The following MTFMT variants were observed in gnomAD, a reference collection of about 807,000 sequenced individuals.
MTFMT encodes the protein methionyl-tRNA formyltransferase, mitochondrial.
MTFMT carries 47 observed loss-of-function variants against 51.8 expected under a neutral mutation model. The observed-to-expected ratio is 0.91, with a 90% confidence interval of 0.72 to 1.16. The LOEUF is 1.16. MTFMT is among the 50% of genes most tolerant of loss of function. The pLI is 0.00. For missense variants in MTFMT, 512 were observed against 482.3 expected (o/e 1.06, Z -0.58); for synonymous variants, 196 against 176.7 (o/e 1.11, Z -0.87).
chr15:65,020,477 T>C (rs2086365295), intron 4 of MTFMT, among the ~76,000 whole-genome samples: 1 of 152,180 alleles, frequency 6.6e-6, no homozygotes, highest in African/African-American at 2.4e-5. Context: ...AGGTAGTACA[T>C]TGGCTTAAGC....
intron 7 of MTFMT, 44 bp from the exon 8 acceptor site, chr15:65,004,980 A>G (rs2086210048): frequency 7.4e-7 from 1 of 1,346,748 alleles, no homozygotes; most frequent in African/African-American, 1.4e-5. Context: ...GAAAAAAGCA[A>G]TTATGCAACT....
chr15:65,017,797 A>AC (rs2140482764), intron 5 of MTFMT, among the ~76,000 whole-genome samples: 1 of 152,296 alleles, frequency 6.6e-6, no homozygotes, highest in South Asian at 2.1e-4. Flanking sequence ...CTATCTTAAA[A>AC]AAAAAAGAAA....
At chr15:65,019,299 G>C (rs1039341681) in intron 5 of MTFMT, among the ~76,000 whole-genome samples, 1 of 152,114 alleles carries the variant, frequency 6.6e-6, no homozygotes, top group Non-Finnish European at 1.5e-5. Context: ...ACAAAAGTGA[G>C]ACTTCTCTAG....
intron 6 of MTFMT, among the ~76,000 whole-genome samples, chr15:65,010,434 G>A (rs531652791): frequency 2.0e-5 from 3 of 152,182 alleles, no homozygotes; most frequent in Admixed American, 2.0e-4. Context: ...GCCTATTTTG[G>A]ACATTTCATA....
intron 5 of MTFMT, among the ~76,000 whole-genome samples, chr15:65,016,875 G>C (rs1477396241): frequency 2.0e-5 from 3 of 150,924 alleles, no homozygotes; most frequent in Non-Finnish European, 4.4e-5. Context: ...CCACCTCCCA[G>C]GCTCAAGAGA....
At chr15:65,029,149 G>C in intron 1 of MTFMT, 1 of 502,534 alleles carries the variant, frequency 2.0e-6, no homozygotes, top group South Asian at 8.4e-5. Context: ...TCGGCACAGC[G>C]TGGGTGGCAG....
rs1464783197 is a variant in MTFMT at position 65,029,401 on chromosome 15, G to T, written c.209+4C>A. 7 of 1,487,764 alleles carry T rather than the reference G, an allele frequency of 4.7e-6. No homozygotes were observed. The South Asian group carries it at 8.9e-5, about 19-fold the overall frequency. The allele number at this position is 1,487,764 out of a possible 1,614,324, so 92.2% of individuals were successfully genotyped here. On this transcript the variant is annotated splice_donor_region_variant and intron_variant, in intron 1 of 8. Coordinates refer to ENST00000220058, the MANE Select transcript of MTFMT (RefSeq NM_139242.4). The stretch of plus-strand genomic sequence containing the variant: ...CCGGGTCCCCGGATCCCTGGCCCGG[G>T]TACCTGGCGGCGTGCAGCGCCCGCA...
At chr15:65,029,148 C>T in intron 1 of MTFMT, 1 of 492,164 alleles carries the variant, frequency 2.0e-6, no homozygotes, top group Non-Finnish European at 2.6e-6. Context: ...CTCGGCACAG[C>T]GTGGGTGGCA....
At chr15:65,003,453 G>A (rs1326572311) in intron 8 of MTFMT, among the ~76,000 whole-genome samples, 197 bp from the exon 9 acceptor site, 5 of 152,082 alleles carry the variant, frequency 3.3e-5, no homozygotes, top group South Asian at 2.1e-4. Context: ...AAGTCATTGC[G>A]GTTTTTGACA....
In MTFMT at chr15:65,025,176, C is replaced by T. The variant is rs2086410643; in HGVS notation, c.420-1382G>A. Reference sequence around the variant, plus strand: ...TTGGGAGGCCAAGGCAGGAAGATCACATGCAGCCAGGAGTTTGGGACCAGG... The same window carrying T: ...TTGGGAGGCCAAGGCAGGAAGATCATATGCAGCCAGGAGTTTGGGACCAGG... On this transcript the variant is annotated intron_variant, in intron 2 of 8. Coordinates refer to ENST00000220058, the MANE Select transcript of MTFMT (RefSeq NM_139242.4). Among the ~76,000 whole-genome samples, 8 of 141,698 alleles carry T rather than the reference C, an allele frequency of 5.6e-5. No individual in the cohort carries two copies. In the Admixed American group the frequency reaches 6.1e-4, roughly 11 times the overall value. 93.0% of individuals were successfully genotyped at this position (141,698 alleles called of 152,430 possible). A position where few individuals can be genotyped will look rare whatever the true frequency, so the allele number is the denominator to read the frequency against.
At chr15:65,023,943 G>A in intron 2 of MTFMT, 149 bp from the exon 3 acceptor site, 9 of 605,970 alleles carry the variant, frequency 1.5e-5, no homozygotes, top group East Asian at 6.4e-5. Context: ...TCACCTGAAA[G>A]GAAAAAAGTT....
chr15:65,007,935 A>C (rs1047675953), intron 6 of MTFMT, among the ~76,000 whole-genome samples: 10 of 151,984 alleles, frequency 6.6e-5, no homozygotes, highest in African/African-American at 2.2e-4. Context: ...TTTTATTTTC[A>C]TAATTATATT....
chr15:65,027,770 A>G (rs2086438923), intron 1 of MTFMT, among the ~76,000 whole-genome samples: 1 of 152,236 alleles, frequency 6.6e-6, no homozygotes, highest in Admixed American at 6.5e-5. Flanking sequence ...AAGGAACTGA[A>G]AACAGTGGCT....
Position 65,002,320 on chromosome 15 carries a change from G to A in MTFMT, c.*742C>T. Reference sequence around the variant, plus strand: ...TGGGAGGCTGAGGCAGGAGAATGGTGTGAACCCGGGAGGTGGAGCTTGCAG... The same window carrying A: ...TGGGAGGCTGAGGCAGGAGAATGGTATGAACCCGGGAGGTGGAGCTTGCAG... On this transcript the variant is annotated 3_prime_UTR_variant, in exon 9 of 9. Coordinates refer to ENST00000220058, the MANE Select transcript of MTFMT (RefSeq NM_139242.4). 1 of 151,712 alleles carries A rather than the reference G, an allele frequency of 6.6e-6. No homozygotes were observed. Among genetic ancestry groups the A allele is most frequent in the Non-Finnish European group, 1.5e-5 (1 of 67,892 alleles). 9.4% of individuals were successfully genotyped at this position (151,712 alleles called of 1,614,324 possible).
rs150429223 is a variant in MTFMT, at chr15:65,027,559, T to G, written c.210-519A>C. 5.4e-3 allele frequency among the ~76,000 whole-genome samples: 824 copies of G among 152,354 alleles called. 8 individuals carry two copies. Among genetic ancestry groups the G allele is most frequent in the Admixed American group, 8.1e-3 (124 of 15,302 alleles). ...AATGTAAAGAGTGACACGTGGCTAG[T>G]GGCTACTGTTTGAACAGTATCATTC... On this transcript the variant is annotated intron_variant, in intron 1 of 8. Coordinates refer to ENST00000220058, the MANE Select transcript of MTFMT (RefSeq NM_139242.4).
rs148248430 is a variant in MTFMT, at chr15:65,024,671, A to T, written c.420-877T>A. Among the ~76,000 whole-genome samples, 3 of 152,218 alleles carry T rather than the reference A, an allele frequency of 2.0e-5. No homozygotes were observed. The East Asian group carries it at 5.8e-4, about 29-fold the overall frequency. ...AGACACTGTTCTAAGTGTTAGGCAT[A>T]CAAGCAGCAGTGAACCAGACAGAAA... On this transcript the variant is annotated intron_variant, in intron 2 of 8. Transcript: ENST00000220058.
intron 5 of MTFMT, among the ~76,000 whole-genome samples, chr15:65,017,715 T>A (rs561762675): frequency 1.8e-3 from 280 of 152,170 alleles, no homozygotes; most frequent in African/African-American, 6.4e-3. Flanking sequence ...GGAGGACTGC[T>A]TGAGCCTGGG....
At chr15:65,019,217 A>AACTTAGC (rs2086349879) in intron 5 of MTFMT, among the ~76,000 whole-genome samples, 1 of 152,206 alleles carries the variant, frequency 6.6e-6, no homozygotes. Flanking sequence ...CAAGTGATCA[A>AACTTAGC]ACTTAGCTTC....
At chr15:65,007,465 G>A (rs2086227683) in intron 6 of MTFMT, among the ~76,000 whole-genome samples, 1 of 152,168 alleles carries the variant, frequency 6.6e-6, no homozygotes, top group Non-Finnish European at 1.5e-5. Flanking sequence ...CTACCTTTAT[G>A]ATAGATATTT....
Sources: gnomAD v4.1 joint callset for allele counts (sites outside exome capture counted in the v4.1 genomes callset) on GRCh38, gnomAD v4.1.1 for gene constraint, MANE v1.5 for transcripts, NCBI Gene and HGNC (gene_info 2026-07-23, HGNC 2026-07-21) for gene names.